The following SNX29 variants were observed in gnomAD, a reference collection of about 807,000 sequenced individuals.
SNX29 encodes sorting nexin 29.
In SNX29, 78 loss-of-function variants were observed where a neutral mutation model predicts 102.1. That is an observed-to-expected ratio of 0.76 (90% CI 0.64 to 0.92). SNX29 has a LOEUF of 0.92. Ranked by LOEUF, SNX29 falls within the 40% of genes least tolerant of loss-of-function variation. The pLI is 0.00. For missense variants in SNX29, 1,280 were observed against 1,061.7 expected (o/e 1.21, Z -2.86); for synonymous variants, 580 against 414.5 (o/e 1.40, Z -4.85).
At chr16:12,463,788 G>A (rs1316472847) in intron 18 of SNX29, among the ~76,000 whole-genome samples, 1 of 151,584 alleles carries the variant, frequency 6.6e-6, no homozygotes, top group Admixed American at 6.6e-5. Flanking sequence ...GCCACAATCA[G>A]ATTAACATAT....
At chr16:12,190,012 A>C (rs906740921) in intron 13 of SNX29, among the ~76,000 whole-genome samples, 1 of 152,212 alleles carries the variant, frequency 6.6e-6, no homozygotes, top group South Asian at 2.1e-4. Context: ...GGCTCCAGTT[A>C]TCAGTAATAT....
chr16:12,368,851 C>A (rs1487200295), intron 16 of SNX29, among the ~76,000 whole-genome samples: 3 of 152,244 alleles, frequency 2.0e-5, no homozygotes, highest in Non-Finnish European at 2.9e-5. Context: ...GCCCCTTGTT[C>A]TCATTTTAGT....
chr16:12,324,125 C>T (rs934121450), intron 15 of SNX29, among the ~76,000 whole-genome samples: 9 of 152,020 alleles, frequency 5.9e-5, no homozygotes, highest in Admixed American at 2.0e-4. Flanking sequence ...TAAACTTTCA[C>T]ATGAGACTGG....
At chr16:12,546,129 C>G (rs544032046) in intron 20 of SNX29, among the ~76,000 whole-genome samples, 2 of 152,300 alleles carry the variant, frequency 1.3e-5, no homozygotes, top group African/African-American at 4.8e-5. Context: ...TCCCCATCCA[C>G]AAAACAGAGC....
At chr16:12,556,279 G>A (rs896610866) in intron 20 of SNX29, 2 of 152,158 alleles carry the variant, frequency 1.3e-5, no homozygotes, top group African/African-American at 4.8e-5. Context: ...GAAATCCGAG[G>A]TCCTGTGGGG....
intron 13 of SNX29, among the ~76,000 whole-genome samples, chr16:12,150,015 G>A (rs980017578): frequency 6.6e-6 from 1 of 152,164 alleles, no homozygotes; most frequent in African/African-American, 2.4e-5. Flanking sequence ...GTACGTTTGG[G>A]GAACGATTGA....
At chr16:12,423,204 T>C (rs1488573563) in intron 18 of SNX29, among the ~76,000 whole-genome samples, 2 of 152,104 alleles carry the variant, frequency 1.3e-5, no homozygotes, top group Admixed American at 1.3e-4. Flanking sequence ...TTGTTTTTTT[T>C]TTTTAAACAC....
intron 16 of SNX29, 151 bp from the exon 17 acceptor site, chr16:12,398,295 T>C: frequency 2.5e-6 from 2 of 784,824 alleles, no homozygotes; most frequent in Non-Finnish European, 4.3e-6. Context: ...CTCCACACAA[T>C]CTCTTACCGT....
intron 13 of SNX29, among the ~76,000 whole-genome samples, chr16:12,170,339 G>C (rs758336696): frequency 6.6e-6 from 1 of 151,996 alleles, no homozygotes; most frequent in African/African-American, 2.4e-5. Flanking sequence ...GTGAGCTGGC[G>C]ACTGGGGAGG....
rs16959443 is a variant in SNX29, at chr16:12,392,054, T to A, written c.1900-6392T>A. Among the ~76,000 whole-genome samples the A allele has an allele frequency of 4.4e-3, 674 of 152,312 alleles. 4 individuals carry two copies. The highest frequency in any genetic ancestry group is 0.016 in the African/African-American group (645 of 41,576). On this transcript the variant is annotated intron_variant, in intron 16 of 20. Coordinates refer to ENST00000566228, the MANE Select transcript of SNX29 (RefSeq NM_032167.5). ...AGGTTCTTACGTGTCTTTATAGAAATGGTTCATGCATATAGACACGTGTGT... is the reference window on the plus strand; with the variant it reads ...AGGTTCTTACGTGTCTTTATAGAAAAGGTTCATGCATATAGACACGTGTGT...
intron 15 of SNX29, among the ~76,000 whole-genome samples, chr16:12,318,896 C>T (rs1227807090): frequency 2.0e-5 from 3 of 152,122 alleles, no homozygotes; most frequent in Non-Finnish European, 4.4e-5. Context: ...TGAAGACCTT[C>T]CTCTAGAGCT....
In SNX29 at chr16:12,129,763, G is replaced by T; in HGVS notation, c.1595+5G>T. ...GAAGGTCCAGGCGCTGGCCAGGTAG[G>T]AGAGGGTGAGGGATGGAGAGGTAAG... On this transcript the variant is annotated splice_donor_5th_base_variant and intron_variant, in intron 13 of 20. Coordinates refer to ENST00000566228, the MANE Select transcript of SNX29 (RefSeq NM_032167.5). 1 of 1,603,306 alleles carries T rather than the reference G, an allele frequency of 6.2e-7. No homozygotes were observed. Among genetic ancestry groups the T allele is most frequent in the South Asian group, 1.1e-5 (1 of 89,082 alleles).
intron 15 of SNX29, among the ~76,000 whole-genome samples, chr16:12,319,595 C>A (rs966495600): frequency 6.6e-6 from 1 of 152,182 alleles, no homozygotes; most frequent in African/African-American, 2.4e-5. Flanking sequence ...GACTGTTGAT[C>A]TGTGATGTTG....
intron 18 of SNX29, among the ~76,000 whole-genome samples, chr16:12,417,162 A>T (rs1354511168): frequency 6.6e-6 from 1 of 152,196 alleles, no homozygotes. Flanking sequence ...CTACTCCATA[A>T]TCCATCCGTA....
At chr16:12,487,151 G>C (rs2088284432) in intron 19 of SNX29, among the ~76,000 whole-genome samples, 1 of 152,174 alleles carries the variant, frequency 6.6e-6, no homozygotes, top group Non-Finnish European at 1.5e-5. Context: ...AAAGTGCTCA[G>C]AACAGTGTCT....
intron 20 of SNX29, chr16:12,560,999 CTGGATCAGTTG>C (rs1309374276): frequency 4.6e-6 from 1 of 216,344 alleles, no homozygotes; most frequent in African/African-American, 2.3e-5. Context: ...AGAGCCATTT[CTGGATCAGTTG>C]TGGATGGTGG....
intron 20 of SNX29, among the ~76,000 whole-genome samples, chr16:12,539,989 A>T (rs1328951332): frequency 6.6e-6 from 1 of 152,274 alleles, no homozygotes; most frequent in African/African-American, 2.4e-5. Context: ...TCTAGTCTTC[A>T]GCTTCTTTTC....
intron 20 of SNX29, among the ~76,000 whole-genome samples, chr16:12,545,254 C>T (rs773028764): frequency 2.6e-5 from 4 of 152,198 alleles, no homozygotes; most frequent in Non-Finnish European, 4.4e-5. Context: ...CAAGTGGCTC[C>T]AAAGAGTACT....
intron 13 of SNX29, among the ~76,000 whole-genome samples, chr16:12,166,315 G>T (rs577906011): frequency 6.6e-6 from 1 of 152,324 alleles, no homozygotes; most frequent in South Asian, 2.1e-4. Context: ...GCCATGATGG[G>T]CATTCAGAGC....
Sources: gnomAD v4.1 joint callset for allele counts (sites outside exome capture counted in the v4.1 genomes callset) on GRCh38, gnomAD v4.1.1 for gene constraint, MANE v1.5 for transcripts, NCBI Gene and HGNC (gene_info 2026-07-23, HGNC 2026-07-21) for gene names.